The following PDZD2 variants were observed in gnomAD, a reference collection of about 807,000 sequenced individuals.
The protein encoded by PDZD2 is PDZ domain containing 2, also known as PDZ domain-containing protein 2.
Under a neutral mutation model 220.7 loss-of-function variants are expected in PDZD2, and 90 were observed. The observed-to-expected ratio is 0.41, with a 90% CI of 0.34 to 0.49. The LOEUF is 0.49. Ranked by LOEUF, PDZD2 falls within the 20% of genes least tolerant of loss-of-function variation. PDZD2 has a pLI of 0.28. For missense variants in PDZD2, 3,174 were observed against 3,608.5 expected, an observed-to-expected ratio of 0.88 and a Z score of 3.08; for synonymous variants, 1,375 against 1,450.5, an observed-to-expected ratio of 0.95 and a Z score of 1.18.
At chr5:32,003,362 CCA>C (rs1300224584) in intron 5 of PDZD2, among the ~76,000 whole-genome samples, 12 of 84,922 alleles carry the variant, frequency 1.4e-4, no homozygotes, top group East Asian at 1.3e-3. Context: ...ACACACCACA[CCA>C]CACACACACC....
Position 32,089,927 on chromosome 5 carries a change from G to C in PDZD2, c.6479G>C (p.Arg2160Pro), listed in dbSNP as rs764899251. The C allele has an allele frequency of 6.2e-7, 1 of 1,611,312 alleles. No homozygotes were observed. The highest frequency in any genetic ancestry group is 8.5e-7 in the Non-Finnish European group (1 of 1,178,510). Residue 2160 changes from arginine to proline, a missense_variant, in exon 20 of 25, where the codon CGA (arginine) becomes CCA (proline). Physicochemically the swap from Arg to Pro is moderately radical, Grantham distance 103. Around this residue, in one of 4 missense-constraint regions of PDZD2, gnomAD observed 1,861 missense variants for 2,001.0 expected, o/e 0.93. Transcript: ENST00000438447. ...TCCCAGGCAGAGCAGGAAATGTCAC[G>C]ATCATTCAGCATGGCAAAACTGGCG... ...HASQAEQEMS[R>P]SFSMAKLASS...
intron 2 of PDZD2, among the ~76,000 whole-genome samples, chr5:31,921,409 T>G (rs1358033285): frequency 2.0e-5 from 3 of 151,938 alleles, no homozygotes; most frequent in Non-Finnish European, 2.9e-5. Flanking sequence ...TAAGGCCGGG[T>G]GCAGTGGCTC....
intron 2 of PDZD2, among the ~76,000 whole-genome samples, chr5:31,975,050 G>A (rs535994687): frequency 1.0e-3 from 152 of 152,280 alleles, no homozygotes; most frequent in Middle Eastern, 3.4e-3. Context: ...TTCACTCAGC[G>A]TGTGTCTCCC....
chr5:31,903,151 G>T (rs941632529), intron 2 of PDZD2, among the ~76,000 whole-genome samples: 1 of 151,726 alleles, frequency 6.6e-6, no homozygotes, highest in South Asian at 2.1e-4. Context: ...AAAATTAGCC[G>T]GGCGTGGTAC....
Position 32,087,029 on chromosome 5 carries a change from T to C in PDZD2, c.3683-102T>C. 1.4e-6 allele frequency: 1 copy of C among 693,462 alleles called. No individual in the cohort carries two copies. Among genetic ancestry groups the C allele is most frequent in the Non-Finnish European group, 2.5e-6 (1 of 402,362 alleles). 43.0% of individuals were successfully genotyped at this position (693,462 alleles called of 1,614,324 possible). On this transcript the variant is annotated intron_variant, in intron 19 of 24. Transcript: ENST00000438447. This position sits in a 1 kb window ranked among gnomAD's most constrained non-coding sequence, Gnocchi z 4.0. ...AAATATTTGAGGTTGTTTATAATTT[T>C]CTAGTTTTTAATAATTGAGGGGCTG... is the stretch of plus-strand genomic sequence containing the variant.
intron 2 of PDZD2, among the ~76,000 whole-genome samples, chr5:31,937,536 G>A (rs1012576267): frequency 1.3e-5 from 2 of 152,182 alleles, no homozygotes; most frequent in Admixed American, 6.5e-5. Context: ...TGGTGGCCAC[G>A]TTTTGTGGCT....
intron 6 of PDZD2, among the ~76,000 whole-genome samples, chr5:32,031,688 T>TC (rs1554029290): frequency 6.6e-6 from 1 of 151,860 alleles, no homozygotes; most frequent in Non-Finnish European, 1.5e-5. Flanking sequence ...CCCTGAGACC[T>TC]GGGGGGAGAA....
chr5:31,796,206 T>C (rs1374052111), intron 1 of PDZD2, among the ~76,000 whole-genome samples: 2 of 152,224 alleles, frequency 1.3e-5, no homozygotes, highest in African/African-American at 4.8e-5. Flanking sequence ...TTTAGGTTCA[T>C]TTTGCTTTAC....
rs541351602 is a variant in PDZD2 at position 31,960,442 on chromosome 5, T to A, written c.477-22713T>A. On this transcript the variant is annotated intron_variant, in intron 2 of 24. Transcript: ENST00000438447. Reference sequence around the variant, plus strand: ...TCAGGCTGGTCTCGAACTCCTGACCTCAGGTGGTCTGCCGCCTCGGCCTTC... The same window carrying A: ...TCAGGCTGGTCTCGAACTCCTGACCACAGGTGGTCTGCCGCCTCGGCCTTC... Among the ~76,000 whole-genome samples the A allele has an allele frequency of 6.6e-4, 101 of 152,264 alleles. 1 individual carries two copies. The South Asian group carries it at 9.8e-3, about 15-fold the overall frequency.
At position 32,098,762 on chromosome 5, in the gene PDZD2, AGTGT is replaced by A; in HGVS notation, c.8218+131_8218+134del. 1.2e-6 allele frequency: 1 copy of A among 862,814 alleles called. No individual in the cohort carries two copies. 53.4% of individuals were successfully genotyped at this position (862,814 alleles called of 1,614,324 possible). A position where few individuals can be genotyped will look rare whatever the true frequency, so the allele number is the denominator to read the frequency against. On this transcript the variant is annotated intron_variant, in intron 23 of 24. Transcript: ENST00000438447. This position sits in a 1 kb window ranked among gnomAD's most constrained non-coding sequence, Gnocchi z 4.1. ...TGAAAAATTAAATGTAGCGAAGTCT[AGTGT>A]GTTTGGATGCTGCTTACAAAAGCAG...
At chr5:31,806,888 G>A (rs1454780570) in intron 2 of PDZD2, among the ~76,000 whole-genome samples, 5 of 149,988 alleles carry the variant, frequency 3.3e-5, no homozygotes, top group Non-Finnish European at 5.9e-5. Flanking sequence ...AAGTCTTTTC[G>A]CTTAAAACGC....
intron 6 of PDZD2, among the ~76,000 whole-genome samples, chr5:32,013,934 CAG>C (rs1233693674): frequency 2.6e-5 from 4 of 152,204 alleles, no homozygotes; most frequent in African/African-American, 9.6e-5. Context: ...AGGCCTGAGA[CAG>C]AGCCCTGCAG....
intron 2 of PDZD2, among the ~76,000 whole-genome samples, chr5:31,908,014 C>T (rs1742812349): frequency 1.5e-5 from 2 of 129,662 alleles, no homozygotes; most frequent in South Asian, 2.7e-4. Context: ...ACCCGGGAGG[C>T]GGAGGCTTCA....
At chr5:31,979,269 A>G (rs940729610) in intron 2 of PDZD2, among the ~76,000 whole-genome samples, 5 of 152,166 alleles carry the variant, frequency 3.3e-5, no homozygotes, top group African/African-American at 1.2e-4. Context: ...GACAACTTGG[A>G]GATAAAATGA....
chr5:31,732,624 T>C (rs745813913), intron 1 of PDZD2, among the ~76,000 whole-genome samples: 5 of 152,216 alleles, frequency 3.3e-5, no homozygotes, highest in Non-Finnish European at 5.9e-5. Context: ...ATCTAAGAGA[T>C]TGTTTCCTTG....
In PDZD2 at chr5:31,717,550, C is replaced by A. The variant is rs558984508; in HGVS notation, c.-361+78113C>A. 9.2e-5 allele frequency among the ~76,000 whole-genome samples: 14 copies of A among 152,306 alleles called. No individual in the cohort carries two copies. The South Asian group carries it at 1.0e-3, about 11-fold the overall frequency. On this transcript the variant is annotated intron_variant, in intron 1 of 24. Coordinates refer to ENST00000438447, the MANE Select transcript of PDZD2 (RefSeq NM_178140.4). ...CTCGCTTGTCCCTGCCTCCCTCCCC[C>A]TTAACCTCCCCAGCCTTCAAGTTTG...
At chr5:31,983,013 GT>G in intron 2 of PDZD2, 141 bp from the exon 3 acceptor site, 1 of 727,266 alleles carries the variant, frequency 1.4e-6, no homozygotes, top group Non-Finnish European at 2.3e-6. Flanking sequence ...TGAATTGGGT[GT>G]TGAATCTCTT....
At chr5:31,697,933 T>C (rs928739839) in intron 1 of PDZD2, among the ~76,000 whole-genome samples, 1 of 151,328 alleles carries the variant, frequency 6.6e-6, no homozygotes, top group African/African-American at 2.4e-5. Context: ...AGACAGAGTC[T>C]CTCTCTGTCA....
rs183680252 is a variant in PDZD2, at chr5:32,069,396, T to G, written c.2452-173T>G. Among the ~76,000 whole-genome samples, 51 of 152,302 alleles carry G rather than the reference T, an allele frequency of 3.3e-4. 1 individual carries two copies. The highest frequency in any genetic ancestry group is 1.2e-3 in the African/African-American group (48 of 41,568). On this transcript the variant is annotated intron_variant, in intron 14 of 24. Coordinates refer to ENST00000438447, the MANE Select transcript of PDZD2 (RefSeq NM_178140.4). ...CAGTTGAAAAGTCTTGTTATGTGTGTGTTGCTGGACTTCTTACATGCTCTG... is the reference window on the plus strand; with the variant it reads ...CAGTTGAAAAGTCTTGTTATGTGTGGGTTGCTGGACTTCTTACATGCTCTG...
Sources: allele counts gnomAD v4.1 joint callset (sites outside exome capture counted in the v4.1 genomes callset), GRCh38; gene constraint gnomAD v4.1.1; regional missense constraint gnomAD v4.1.1; non-coding constraint Gnocchi (gnomAD v3.1); transcripts MANE v1.5; gene names NCBI Gene and HGNC (gene_info 2026-07-23, HGNC 2026-07-21).